The following GPR137B variants were observed in gnomAD, a reference collection of about 807,000 sequenced individuals.
The protein encoded by GPR137B is integral membrane protein GPR137B.
In GPR137B, 42 loss-of-function variants were observed where a neutral mutation model predicts 42.5. The observed-to-expected ratio is 0.99, with a 90% CI of 0.77 to 1.28. The LOEUF (loss-of-function observed/expected upper bound fraction) is 1.28. Ranked by LOEUF, GPR137B falls within the 50% of genes most tolerant of loss-of-function variation. GPR137B has a pLI of 0.00. For missense variants in GPR137B, 487 were observed against 493.9 expected (o/e 0.99, Z 0.13); for synonymous variants, 218 against 209.7 (o/e 1.04, Z -0.34).
At position 236,142,851 on chromosome 1, in the gene GPR137B, TA is replaced by T. The variant is rs1334520633; in HGVS notation, c.230del (p.Tyr77SerfsTer55). 3 of 1,614,194 alleles carry T rather than the reference TA, an allele frequency of 1.9e-6. No homozygotes were observed. The South Asian group carries it at 3.3e-5, about 18-fold the overall frequency. On this transcript the variant is annotated frameshift_variant, in exon 1 of 7. Coordinates refer to ENST00000366592, the MANE Select transcript of GPR137B (RefSeq NM_003272.4). LOFTEE classifies it high-confidence loss of function. The part of the protein sequence containing the change: ...VLRYRHKRLS[Y>X]QSVFLFLCLF... The stretch of plus-strand genomic sequence containing the variant: ...GCGTTACCGCCACAAGCGGCTCAGC[TA>T]CCAGAGCGTCTTCCTCTTTCTCTGC...
Position 236,142,712 on chromosome 1 carries a change from G to A in GPR137B, c.90G>A (p.Pro30=), listed in dbSNP as rs1323757728. ...PWDPARNDSL[P]PTLTPAVPPY... ...ACCCAGCCCGCAACGACTCGCTGCC[G>A]CCCACGCTGACCCCGGCCGTGCCCC... Residue 30 remains proline (P), a synonymous_variant, in exon 1 of 7, where the codon CCG becomes CCA. Transcript: ENST00000366592. The A allele has an allele frequency of 7.5e-6, 12 of 1,602,604 alleles. No homozygotes were observed. The highest frequency in any genetic ancestry group is 1.0e-5 in the Non-Finnish European group (12 of 1,177,248).
intron 5 of GPR137B, among the ~76,000 whole-genome samples, chr1:236,198,358 C>T (rs1263145185): frequency 2.6e-5 from 4 of 152,122 alleles, no homozygotes; most frequent in East Asian, 3.9e-4. Context: ...GTATGCACCA[C>T]CACACCTGGC....
intron 2 of GPR137B, among the ~76,000 whole-genome samples, chr1:236,172,719 C>T (rs1662573406): frequency 6.6e-6 from 1 of 150,698 alleles, no homozygotes; most frequent in African/African-American, 2.4e-5. Context: ...CAAGGTCTCA[C>T]CCAGGCTGGA....
intron 6 of GPR137B, among the ~76,000 whole-genome samples, chr1:236,207,621 C>T (rs913786058): frequency 5.9e-5 from 9 of 152,200 alleles, no homozygotes; most frequent in African/African-American, 2.2e-4. Context: ...AAGCACTTTA[C>T]AGATGTTAAC....
intron 1 of GPR137B, among the ~76,000 whole-genome samples, chr1:236,160,784 C>G (rs1004306762): frequency 3.3e-5 from 5 of 152,130 alleles, no homozygotes; most frequent in Admixed American, 2.0e-4. Flanking sequence ...AGTGGTCCAG[C>G]CTGTCAGCCG....
intron 1 of GPR137B, among the ~76,000 whole-genome samples, chr1:236,166,310 C>T (rs935339917): frequency 2.6e-5 from 4 of 151,636 alleles, no homozygotes; most frequent in Admixed American, 6.6e-5. Flanking sequence ...TTTCTTTTTA[C>T]GGATGTCAGA....
chr1:236,167,326 CTG>C (rs1234102380), intron 1 of GPR137B, among the ~76,000 whole-genome samples: 2 of 152,176 alleles, frequency 1.3e-5, no homozygotes, highest in African/African-American at 4.8e-5. Context: ...TTGTTACTGA[CTG>C]TAGTCACCAC....
intron 1 of GPR137B, among the ~76,000 whole-genome samples, chr1:236,151,032 A>G (rs1036049500): frequency 2.0e-5 from 3 of 152,212 alleles, no homozygotes; most frequent in African/African-American, 7.2e-5. Context: ...AGGGTTTTGC[A>G]AACAACAAAG....
At chr1:236,195,320 A>G (rs1479900540) in intron 5 of GPR137B, among the ~76,000 whole-genome samples, 2 of 151,698 alleles carry the variant, frequency 1.3e-5, no homozygotes, top group East Asian at 1.9e-4. Flanking sequence ...CATGAGTTCA[A>G]TTGTTTGAGT....
chr1:236,199,866 A>G (rs1663443740), intron 5 of GPR137B, among the ~76,000 whole-genome samples: 5 of 151,392 alleles, frequency 3.3e-5, no homozygotes, highest in Admixed American at 3.3e-4. Flanking sequence ...TTCTGCTCTG[A>G]TCTTTGTTAT....
At chr1:236,192,496 C>T (rs1663221496) in intron 5 of GPR137B, among the ~76,000 whole-genome samples, 1 of 152,162 alleles carries the variant, frequency 6.6e-6, no homozygotes, top group Non-Finnish European at 1.5e-5. Context: ...ATCTCCTGGT[C>T]TGCGGGTTGT....
intron 2 of GPR137B, among the ~76,000 whole-genome samples, chr1:236,177,666 C>A (rs1356596975): frequency 6.6e-6 from 1 of 152,042 alleles, no homozygotes; most frequent in Non-Finnish European, 1.5e-5. Context: ...AGTGATTCTC[C>A]TGCCTCAGCC....
At chr1:236,151,607 A>G (rs1389273020) in intron 1 of GPR137B, among the ~76,000 whole-genome samples, 1 of 151,768 alleles carries the variant, frequency 6.6e-6, no homozygotes, top group Non-Finnish European at 1.5e-5. Flanking sequence ...TATTTTTAGT[A>G]GAGACGGGGT....
Position 236,156,532 on chromosome 1 carries a change from C to T in GPR137B, c.415-12174C>T, listed in dbSNP as rs1185107386. Among the ~76,000 whole-genome samples the T allele has an allele frequency of 6.6e-6, 1 of 152,234 alleles. No individual in the cohort carries two copies. The highest frequency in any genetic ancestry group is 1.9e-4 in the East Asian group (1 of 5,200). ...GCTGACGTTTGGAAGAAAAGAACAT[C>T]CTAACGCAGGCATAGAGGCCCCGCC... is the stretch of plus-strand genomic sequence containing the variant. On this transcript the variant is annotated intron_variant, in intron 1 of 6. Transcript: ENST00000366592. The surrounding 1 kb of genome is among the most constrained non-coding windows in gnomAD (Gnocchi z 4.8).
At chr1:236,145,677 A>G (rs1306983295) in intron 1 of GPR137B, among the ~76,000 whole-genome samples, 2 of 151,526 alleles carry the variant, frequency 1.3e-5, no homozygotes, top group Non-Finnish European at 2.9e-5. Flanking sequence ...ACTTCTAAGC[A>G]ATTGGTTATA....
chr1:236,182,618 C>T (rs888789094), intron 4 of GPR137B, among the ~76,000 whole-genome samples: 11 of 152,030 alleles, frequency 7.2e-5, no homozygotes, highest in African/African-American at 2.4e-4. Context: ...CATGTTGGCA[C>T]ACACCTGTAG....
intron 1 of GPR137B, among the ~76,000 whole-genome samples, chr1:236,145,767 C>T (rs947456672): frequency 3.9e-5 from 6 of 152,196 alleles, no homozygotes; most frequent in South Asian, 2.1e-4. Flanking sequence ...GCTGAGAGGT[C>T]GTAGATGACT....
Position 236,208,564 on chromosome 1 carries a change from T to G in GPR137B, c.*406T>G, listed in dbSNP as rs1663736804. On this transcript the variant is annotated 3_prime_UTR_variant, in exon 7 of 7. Transcript: ENST00000366592. ...ATATGGTCTAATAGTTTTTTAAAGC[T>G]TTTGGACTAAAGTATTCCACAAATC... 4.2e-6 allele frequency: 4 copies of G among 960,436 alleles called. No homozygotes were observed. The highest frequency in any genetic ancestry group is 1.1e-4 in the East Asian group (1 of 8,890). 59.5% of individuals were successfully genotyped at this position (960,436 alleles called of 1,614,324 possible).
rs574327616 is a variant in GPR137B at position 236,208,339 on chromosome 1, C to A, written c.*181C>A. On this transcript the variant is annotated 3_prime_UTR_variant, in exon 7 of 7. Transcript: ENST00000366592. ...AGACTGATAAACCCTTATTTTAGTA[C>A]TAAAGAGGGAGCCTTGCTATTTCAG... The A allele has an allele frequency of 3.2e-5, 42 of 1,308,682 alleles. No individual in the cohort carries two copies. The South Asian group carries it at 9.9e-4, about 31-fold the overall frequency. 81.1% of individuals were successfully genotyped at this position (1,308,682 alleles called of 1,614,324 possible).
Sources: gnomAD v4.1 joint callset for allele counts (sites outside exome capture counted in the v4.1 genomes callset) on GRCh38, gnomAD v4.1.1 for gene constraint, Gnocchi (gnomAD v3.1) non-coding constraint, MANE v1.5 for transcripts, NCBI Gene and HGNC (gene_info 2026-07-23, HGNC 2026-07-21) for gene names.